The following KCNB2 variants were observed in gnomAD, a reference collection of about 807,000 sequenced individuals.
KCNB2 encodes the protein potassium voltage-gated channel subfamily B member 2.
Under a neutral mutation model 61.5 loss-of-function variants are expected in KCNB2, and 15 were observed. The ratio of observed to expected loss-of-function variants is 0.24; its 90% CI spans 0.16 to 0.38. The LOEUF is 0.38. Ranked by LOEUF, KCNB2 falls within the 10% of genes least tolerant of loss-of-function variation. The pLI, the probability that KCNB2 is intolerant of heterozygous loss-of-function variation, is 1.00. For synonymous variants in KCNB2, 457 were observed against 446.0 expected, an observed-to-expected ratio of 1.02 and a Z score of -0.31; for missense variants, 828 against 1,125.2, an observed-to-expected ratio of 0.74 and a Z score of 3.78.
At chr8:72,559,361 TC>T (rs1806476435) in intron 1 of KCNB2, among the ~76,000 whole-genome samples, 1 of 152,016 alleles carries the variant, frequency 6.6e-6, no homozygotes, top group Non-Finnish European at 1.5e-5. Flanking sequence ...CCCAGGCTGA[TC>T]TTGAACTCTT....
chr8:72,835,826 G>T (rs545304309), intron 2 of KCNB2, among the ~76,000 whole-genome samples: 3 of 152,128 alleles, frequency 2.0e-5, no homozygotes, highest in East Asian at 3.9e-4. Flanking sequence ...CTCTCCTTCC[G>T]CAATCCTACT....
chr8:72,611,412 A>C (rs1460130685), intron 2 of KCNB2, among the ~76,000 whole-genome samples: 1 of 152,200 alleles, frequency 6.6e-6, no homozygotes, highest in Non-Finnish European at 1.5e-5. Flanking sequence ...TCAAGCTTGC[A>C]ACTCTTGGGT....
At chr8:72,588,925 A>C (rs188956893) in intron 2 of KCNB2, among the ~76,000 whole-genome samples, 124 of 152,134 alleles carry the variant, frequency 8.2e-4, no homozygotes, top group African/African-American at 2.8e-3. Flanking sequence ...AAGCAACAAA[A>C]AAAGAAACAT....
At chr8:72,786,188 A>G (rs182642118) in intron 2 of KCNB2, among the ~76,000 whole-genome samples, 9 of 152,294 alleles carry the variant, frequency 5.9e-5, no homozygotes, top group Non-Finnish European at 1.3e-4. Context: ...ACTTTACAGT[A>G]TAATTTGACC....
chr8:72,821,659 A>AAAAAAAAAAAAAAAAAC (rs1554535735), intron 2 of KCNB2, among the ~76,000 whole-genome samples: 2 of 117,084 alleles, frequency 1.7e-5, no homozygotes, highest in African/African-American at 6.3e-5. Flanking sequence ...AAAAAAAAAA[A>AAAAAAAAAAAAAAAAAC]ACACACACAC....
chr8:72,592,527 T>C (rs1220800284), intron 2 of KCNB2, among the ~76,000 whole-genome samples: 1 of 152,044 alleles, frequency 6.6e-6, no homozygotes. Flanking sequence ...ATGTTGTCTT[T>C]GGGGCTGCTC....
At chr8:72,646,757 A>G (rs185364031) in intron 2 of KCNB2, among the ~76,000 whole-genome samples, 1 of 152,260 alleles carries the variant, frequency 6.6e-6, no homozygotes, top group Non-Finnish European at 1.5e-5. Flanking sequence ...GTGCTTAGTG[A>G]GTATGAGGTG....
intron 2 of KCNB2, among the ~76,000 whole-genome samples, chr8:72,793,955 C>T (rs892972489): frequency 1.3e-5 from 2 of 152,116 alleles, no homozygotes; most frequent in African/African-American, 2.4e-5. Flanking sequence ...CTTAAGTAAG[C>T]CTTTGAAGGC....
intron 2 of KCNB2, among the ~76,000 whole-genome samples, chr8:72,576,056 T>G (rs1409177700): frequency 6.6e-6 from 1 of 152,220 alleles, no homozygotes; most frequent in Admixed American, 6.5e-5. Flanking sequence ...TTATCATAAT[T>G]AACAAAATTG....
chr8:72,732,397 C>A (rs1436749395), intron 2 of KCNB2, among the ~76,000 whole-genome samples: 2 of 152,226 alleles, frequency 1.3e-5, no homozygotes, highest in Non-Finnish European at 2.9e-5. Context: ...CTTCACTCCT[C>A]CCTGACTCTG....
intron 2 of KCNB2, among the ~76,000 whole-genome samples, chr8:72,749,853 A>G (rs1444712122): frequency 6.8e-6 from 1 of 146,978 alleles, no homozygotes. Context: ...TATATATTAT[A>G]TATATTTTTA....
At chr8:72,572,417 C>A (rs751707223) in intron 2 of KCNB2, among the ~76,000 whole-genome samples, 1 of 152,142 alleles carries the variant, frequency 6.6e-6, no homozygotes, top group Non-Finnish European at 1.5e-5. Context: ...GAGCACCCAG[C>A]AGCTTTTTCA....
chr8:72,871,604 T>C (rs1032926570), intron 2 of KCNB2, among the ~76,000 whole-genome samples: 1 of 152,218 alleles, frequency 6.6e-6, no homozygotes, highest in African/African-American at 2.4e-5. Context: ...TACTTACAAA[T>C]TGAACTTATC....
At chr8:72,935,866 G>C in intron 2 of KCNB2, 69 bp from the exon 3 acceptor site, 2 of 1,035,158 alleles carry the variant, frequency 1.9e-6, no homozygotes, top group Non-Finnish European at 3.0e-6. Context: ...AACAATCACC[G>C]ACCCATCTGT....
chr8:72,932,886 C>T (rs1806818856), intron 2 of KCNB2, among the ~76,000 whole-genome samples: 1 of 152,134 alleles, frequency 6.6e-6, no homozygotes, highest in Non-Finnish European at 1.5e-5. Flanking sequence ...GCATTTGGCT[C>T]ATTGCACCAC....
intron 2 of KCNB2, among the ~76,000 whole-genome samples, chr8:72,700,921 T>G (rs1807112205): frequency 6.6e-6 from 1 of 152,248 alleles, no homozygotes; most frequent in East Asian, 1.9e-4. Context: ...CAAAATCTCG[T>G]CCTTTGCAGC....
At chr8:72,841,913 CG>C (rs575769115) in intron 2 of KCNB2, among the ~76,000 whole-genome samples, 140 of 152,232 alleles carry the variant, frequency 9.2e-4, no homozygotes, top group African/African-American at 3.4e-3. Flanking sequence ...TATTTGAATA[CG>C]CTTTATTTCT....
intron 2 of KCNB2, among the ~76,000 whole-genome samples, chr8:72,600,891 T>G (rs2128982488): frequency 6.6e-6 from 1 of 152,058 alleles, no homozygotes; most frequent in South Asian, 2.1e-4. Flanking sequence ...TAATAGGTAC[T>G]AGGCTTAATA....
intron 2 of KCNB2, among the ~76,000 whole-genome samples, chr8:72,870,452 T>G (rs1805598543): frequency 6.6e-6 from 1 of 152,222 alleles, no homozygotes; most frequent in Non-Finnish European, 1.5e-5. Context: ...ACTTGTATCA[T>G]AGTCATTTTT....
Sources: gnomAD v4.1 joint callset for allele counts (sites outside exome capture counted in the v4.1 genomes callset) on GRCh38, gnomAD v4.1.1 for gene constraint, MANE v1.5 for transcripts, NCBI Gene and HGNC (gene_info 2026-07-23, HGNC 2026-07-21) for gene names.